The following RASGRF2 variants were observed in gnomAD, a reference collection of about 807,000 sequenced individuals.
RASGRF2 encodes the protein ras-specific guanine nucleotide-releasing factor 2.
A neutral mutation model predicts 151.0 loss-of-function variants in RASGRF2; 76 were observed. The ratio of observed to expected loss-of-function variants is 0.50; its 90% CI spans 0.42 to 0.61. The LOEUF (loss-of-function observed/expected upper bound fraction) is 0.61, where lower values mean the gene tolerates loss of function less well. Ranked by LOEUF, RASGRF2 falls within the 20% of genes least tolerant of loss-of-function variation. The pLI is 0.00. For synonymous variants in RASGRF2, 504 were observed against 566.5 expected, an observed-to-expected ratio of 0.89 and a Z score of 1.57; for missense variants, 1,148 against 1,564.6, an observed-to-expected ratio of 0.73 and a Z score of 4.49.
intron 11 of RASGRF2, 52 bp from the exon 12 acceptor site, chr5:81,094,804 C>T: frequency 6.6e-7 from 1 of 1,520,468 alleles, no homozygotes. Flanking sequence ...GCAGCTATCA[C>T]TCTTTGTTTT....
chr5:81,134,402 G>T (rs1753704088), intron 17 of RASGRF2, among the ~76,000 whole-genome samples: 1 of 152,076 alleles, frequency 6.6e-6, no homozygotes, highest in Admixed American at 6.6e-5. Flanking sequence ...CATCACCTTG[G>T]ACGGTTTCTC....
At chr5:81,189,814 C>A (rs1019480268) in intron 18 of RASGRF2, among the ~76,000 whole-genome samples, 2 of 150,262 alleles carry the variant, frequency 1.3e-5, no homozygotes, top group African/African-American at 4.9e-5. Context: ...CAGGTTCAAG[C>A]AATTCTCCTG....
At chr5:81,186,269 C>A (rs541760379) in intron 18 of RASGRF2, among the ~76,000 whole-genome samples, 1 of 151,992 alleles carries the variant, frequency 6.6e-6, no homozygotes, top group Non-Finnish European at 1.5e-5. Flanking sequence ...CCTCTGTATA[C>A]GCCCATGTAA....
At chr5:81,056,007 T>A (rs1293385798) in intron 2 of RASGRF2, among the ~76,000 whole-genome samples, 1 of 152,214 alleles carries the variant, frequency 6.6e-6, no homozygotes. Context: ...GTCTATTTGA[T>A]TCTTCTCTCT....
chr5:81,198,927 C>A (rs966533314), intron 18 of RASGRF2, among the ~76,000 whole-genome samples: 1 of 151,986 alleles, frequency 6.6e-6, no homozygotes, highest in African/African-American at 2.4e-5. Context: ...GGGTATATAC[C>A]CAGGGATTGC....
intron 1 of RASGRF2, among the ~76,000 whole-genome samples, chr5:81,035,738 G>T (rs1287733078): frequency 6.6e-6 from 1 of 152,144 alleles, no homozygotes; most frequent in Non-Finnish European, 1.5e-5. Context: ...GAGAGATAAA[G>T]AAATGGAAAA....
At chr5:81,151,465 G>A (rs1754133716) in intron 17 of RASGRF2, among the ~76,000 whole-genome samples, 1 of 151,026 alleles carries the variant, frequency 6.6e-6, no homozygotes, top group African/African-American at 2.4e-5. Context: ...TGGTGTCTAG[G>A]ACTTATTTAT....
rs766708067 is a variant in RASGRF2 at position 81,226,873 on chromosome 5, A to G, written c.*1103A>G. 2 of 152,164 alleles carry G rather than the reference A, an allele frequency of 1.3e-5. No homozygotes were observed. The highest frequency in any genetic ancestry group is 6.5e-5 in the Admixed American group (1 of 15,276). 9.4% of individuals were successfully genotyped at this position (152,164 alleles called of 1,614,324 possible). On this transcript the variant is annotated 3_prime_UTR_variant, in exon 27 of 27. Coordinates refer to ENST00000265080, the MANE Select transcript of RASGRF2 (RefSeq NM_006909.3). ...ATGTTGAGAGATCTCTGAGAATATT[A>G]TAAGTGCATGGGAAATGGGCCCAAC...
chr5:81,159,159 A>C (rs1259903512), intron 17 of RASGRF2, among the ~76,000 whole-genome samples: 1 of 152,268 alleles, frequency 6.6e-6, no homozygotes, highest in Non-Finnish European at 1.5e-5. Context: ...ATATTGCAAA[A>C]TGTTCTGCAA....
intron 2 of RASGRF2, among the ~76,000 whole-genome samples, 183 bp from the exon 3 acceptor site, chr5:81,067,845 ATTAT>A (rs1446422622): frequency 6.6e-6 from 1 of 152,218 alleles, no homozygotes; most frequent in East Asian, 1.9e-4. Context: ...ATGTAAAATG[ATTAT>A]TTAAATTCTT....
intron 1 of RASGRF2, among the ~76,000 whole-genome samples, chr5:81,032,641 G>A (rs369807110): frequency 2.0e-5 from 3 of 152,136 alleles, no homozygotes; most frequent in East Asian, 1.9e-4. Context: ...TTGATGGGAC[G>A]TATCTCAAAA....
chr5:81,165,459 A>G (rs1208385835), intron 17 of RASGRF2, among the ~76,000 whole-genome samples: 2 of 152,228 alleles, frequency 1.3e-5, no homozygotes, highest in African/African-American at 4.8e-5. Flanking sequence ...CCAGGCCTCC[A>G]GTACTGGACC....
At chr5:81,174,520 G>C (rs1754728662) in intron 17 of RASGRF2, among the ~76,000 whole-genome samples, 1 of 152,228 alleles carries the variant, frequency 6.6e-6, no homozygotes, top group Non-Finnish European at 1.5e-5. Context: ...TTTGGCGACA[G>C]AGCAAAGCAG....
At chr5:81,058,361 A>G (rs550765327) in intron 2 of RASGRF2, among the ~76,000 whole-genome samples, 1 of 152,356 alleles carries the variant, frequency 6.6e-6, no homozygotes, top group African/African-American at 2.4e-5. Flanking sequence ...ATGTGTTGGC[A>G]ATATAGTAGA....
chr5:81,225,235 A>G (rs899882752), intron 26 of RASGRF2, among the ~76,000 whole-genome samples: 4 of 152,224 alleles, frequency 2.6e-5, no homozygotes, highest in Admixed American at 6.5e-5. Context: ...AGATTATTAA[A>G]TAAGCTCCAA....
chr5:81,032,074 C>T (rs1431403519), intron 1 of RASGRF2, among the ~76,000 whole-genome samples: 1 of 152,158 alleles, frequency 6.6e-6, no homozygotes, highest in Non-Finnish European at 1.5e-5. Flanking sequence ...TTCCTGGACA[C>T]ATACACCCTC....
chr5:81,016,259 C>T (rs1201969455), intron 1 of RASGRF2, among the ~76,000 whole-genome samples: 2 of 152,198 alleles, frequency 1.3e-5, no homozygotes, highest in Non-Finnish European at 2.9e-5. Context: ...TCTCTGCAAA[C>T]TGGGGATTAT....
chr5:81,148,789 A>G (rs1018433214), intron 17 of RASGRF2, among the ~76,000 whole-genome samples: 4 of 152,028 alleles, frequency 2.6e-5, no homozygotes, highest in Non-Finnish European at 5.9e-5. Flanking sequence ...TAACCTGCAC[A>G]TTGTGCACAT....
chr5:80,961,855 A>G (rs1462231219), intron 1 of RASGRF2, among the ~76,000 whole-genome samples: 1 of 152,194 alleles, frequency 6.6e-6, no homozygotes, highest in African/African-American at 2.4e-5. Context: ...GCAAACACAA[A>G]GTTTGTATGT....
Sources: allele counts gnomAD v4.1 joint callset (sites outside exome capture counted in the v4.1 genomes callset), GRCh38; gene constraint gnomAD v4.1.1; transcripts MANE v1.5; gene names NCBI Gene and HGNC (gene_info 2026-07-23, HGNC 2026-07-21).